NAA35: variants seen among roughly 807,000 people sequenced by gnomAD.
NAA35 encodes MAK10 homolog, amino-acid N-acetyltransferase subunit.
In NAA35, 18 loss-of-function variants were observed where a neutral mutation model predicts 101.7. That is an observed-to-expected ratio of 0.18 (90% CI 0.12 to 0.26). NAA35 has a LOEUF of 0.26. Ranked by LOEUF, NAA35 falls within the 10% of genes least tolerant of loss-of-function variation. NAA35 has a pLI of 1.00. For missense variants in NAA35, 601 were observed against 886.8 expected (o/e 0.68, Z 4.09); for synonymous variants, 267 against 273.1 (o/e 0.98, Z 0.22).
intron 8 of NAA35, among the ~76,000 whole-genome samples, chr9:85,976,079 A>C (rs1034366857): frequency 6.6e-6 from 1 of 152,136 alleles, no homozygotes; most frequent in Non-Finnish European, 1.5e-5. Flanking sequence ...CCACTTTTAG[A>C]TGAGGAAAAT....
intron 8 of NAA35, among the ~76,000 whole-genome samples, chr9:85,976,287 A>G (rs967976503): frequency 1.3e-5 from 2 of 152,178 alleles, no homozygotes; most frequent in Admixed American, 1.3e-4. Context: ...GGTATTGACC[A>G]TTGAACTTTA....
chr9:85,983,351 C>T (rs1045507358), intron 11 of NAA35, among the ~76,000 whole-genome samples: 3 of 152,106 alleles, frequency 2.0e-5, no homozygotes, highest in Admixed American at 6.5e-5. Flanking sequence ...CTGAAAAGTC[C>T]AAGAGATGGG....
chr9:86,015,627 C>G, intron 17 of NAA35: 4 of 661,876 alleles, frequency 6.0e-6, no homozygotes, highest in African/African-American at 2.0e-5. Flanking sequence ...CCAGAGATGA[C>G]AGTTTGAGAA....
At chr9:85,955,342 ATATATATATATATATATAT>A (rs1385045567) in intron 2 of NAA35, among the ~76,000 whole-genome samples, 1 of 64,506 alleles carries the variant, frequency 1.6e-5, no homozygotes, top group East Asian at 3.2e-4. Flanking sequence ...ATATATATAT[ATATATATATATATATATAT>A]TTTTTTTTTT....
At chr9:86,006,716 G>A (rs1401629226) in intron 13 of NAA35, among the ~76,000 whole-genome samples, 2 of 152,106 alleles carry the variant, frequency 1.3e-5, no homozygotes, top group African/African-American at 2.4e-5. Flanking sequence ...AGTTTGTTCT[G>A]TATCTTGATT....
At chr9:85,995,221 T>C (rs762500441) in intron 11 of NAA35, among the ~76,000 whole-genome samples, 30 of 151,820 alleles carry the variant, frequency 2.0e-4, no homozygotes, top group Non-Finnish European at 3.2e-4. Context: ...TAATCTTATT[T>C]GGCCCTCTTG....
At chr9:85,967,799 CAA>C (rs201125485) in intron 6 of NAA35, among the ~76,000 whole-genome samples, 1 of 135,234 alleles carries the variant, frequency 7.4e-6, no homozygotes. Flanking sequence ...GAGACTGTCT[CAA>C]AAAAAAAAAA....
intron 6 of NAA35, among the ~76,000 whole-genome samples, chr9:85,970,689 A>T (rs959261221): frequency 1.3e-5 from 2 of 152,206 alleles, no homozygotes; most frequent in African/African-American, 4.8e-5. Flanking sequence ...TATTCAAAAT[A>T]TACTATTTTG....
At chr9:86,005,282 A>G (rs1831584573) in intron 13 of NAA35, among the ~76,000 whole-genome samples, 1 of 152,240 alleles carries the variant, frequency 6.6e-6, no homozygotes, top group Non-Finnish European at 1.5e-5. Context: ...ACAAAATTCA[A>G]CATCCATTCA....
chr9:85,995,099 A>G (rs983006850), intron 11 of NAA35, among the ~76,000 whole-genome samples: 2 of 152,092 alleles, frequency 1.3e-5, no homozygotes, highest in African/African-American at 4.8e-5. Context: ...AATGAAGACC[A>G]GTGACCTAAC....
intron 10 of NAA35, among the ~76,000 whole-genome samples, chr9:85,977,944 TC>T (rs1434514742): frequency 1.3e-5 from 2 of 152,202 alleles, no homozygotes; most frequent in African/African-American, 4.8e-5. Flanking sequence ...ATTTTTTTTT[TC>T]CTACCTTGAT....
Position 86,013,146 on chromosome 9 carries a change from TA to T in NAA35, c.1389+4del. 1 of 1,579,086 alleles carries T rather than the reference TA, an allele frequency of 6.3e-7. No individual in the cohort carries two copies. Among genetic ancestry groups the T allele is most frequent in the Non-Finnish European group, 8.7e-7 (1 of 1,154,408 alleles). On this transcript the variant is annotated splice_donor_region_variant and intron_variant, in intron 16 of 22. Transcript: ENST00000361671. ...GAATTTGCCACCTTGCAGGATGAGG[TA>T]AGAGCCAGGTTCCCCTCTCTTCTAA...
chr9:86,021,008 T>C, intron 22 of NAA35, 39 bp downstream of exon 22: 2 of 1,451,038 alleles, frequency 1.4e-6, no homozygotes, highest in East Asian at 2.3e-5. Flanking sequence ...TCTTAGATTA[T>C]TGTGAAGTTT....
Position 86,001,520 on chromosome 9 carries a change from G to A in NAA35, c.1057-2065G>A, listed in dbSNP as rs1831416481. On this transcript the variant is annotated intron_variant, in intron 12 of 22. Transcript: ENST00000361671. ...CCACTGTTGTTATGTGGGAGTCTGTGTCTCTTTGTAGGTCTGTAAGAACTT... is the reference window on the plus strand; with the variant it reads ...CCACTGTTGTTATGTGGGAGTCTGTATCTCTTTGTAGGTCTGTAAGAACTT... Among the ~76,000 whole-genome samples the A allele has an allele frequency of 1.3e-5, 2 of 152,088 alleles. 1 individual carries two copies. Among genetic ancestry groups the A allele is most frequent in the South Asian group, 4.1e-4 (2 of 4,828 alleles).
intron 11 of NAA35, among the ~76,000 whole-genome samples, chr9:85,983,444 C>T (rs145339344): frequency 0.014 from 2,133 of 152,124 alleles, 48 homozygotes; most frequent in African/African-American, 0.047. Flanking sequence ...GACCTGTATT[C>T]ACAGTGCTCT....
rs1332115363 is a variant in NAA35, at chr9:86,025,457, G to A, written c.*3497G>A. ...ACTCTATTTGTGGAGTGGCTGGTAT[G>A]ATCTTAAAAGATCATAAAATGCAAG... On this transcript the variant is annotated 3_prime_UTR_variant, in exon 23 of 23. Coordinates refer to ENST00000361671, the MANE Select transcript of NAA35 (RefSeq NM_024635.4). Among the ~76,000 whole-genome samples the A allele has an allele frequency of 6.6e-6, 1 of 152,092 alleles. No homozygotes were observed. The highest frequency in any genetic ancestry group is 1.5e-5 in the Non-Finnish European group (1 of 68,008).
chr9:86,013,960 A>G, intron 17 of NAA35, 63 bp downstream of exon 17: 1 of 1,248,404 alleles, frequency 8.0e-7, no homozygotes, highest in South Asian at 1.9e-5. Flanking sequence ...GAGAATTCAG[A>G]GTTAATTTCA....
At chr9:85,960,036 C>T (rs774800643) in intron 5 of NAA35, among the ~76,000 whole-genome samples, 169 bp downstream of exon 5, 5 of 152,114 alleles carry the variant, frequency 3.3e-5, no homozygotes, top group Non-Finnish European at 5.9e-5. Flanking sequence ...ATCTTGTTAT[C>T]TACTTGATTT....
Position 85,962,183 on chromosome 9 carries a change from A to G in NAA35, c.516+3A>G, listed in dbSNP as rs1275564475. 2 of 1,612,472 alleles carry G rather than the reference A, an allele frequency of 1.2e-6. No individual in the cohort carries two copies. Among genetic ancestry groups the G allele is most frequent in the Middle Eastern group, 1.6e-4 (1 of 6,062 alleles). On this transcript the variant is annotated splice_donor_region_variant and intron_variant, in intron 6 of 22. Transcript: ENST00000361671. ...ATAAAGCTGCTGTTTTTGAAGAGGT[A>G]AGATTTCGTAATGTAAGAAATCCTT... is the stretch of plus-strand genomic sequence containing the variant.
Sources: gnomAD v4.1 joint callset for allele counts (sites outside exome capture counted in the v4.1 genomes callset) on GRCh38, gnomAD v4.1.1 for gene constraint, MANE v1.5 for transcripts, NCBI Gene and HGNC (gene_info 2026-07-23, HGNC 2026-07-21) for gene names.